AIFM1: variants seen among roughly 807,000 people sequenced by gnomAD.
AIFM1 encodes the protein apoptosis-inducing factor 1, mitochondrial.
AIFM1 carries 3 observed loss-of-function variants against 51.7 expected under a neutral mutation model. The ratio of observed to expected loss-of-function variants is 0.06; its 90% CI spans 0.03 to 0.15. AIFM1 has a LOEUF of 0.15. AIFM1 is among the 10% of genes least tolerant of loss of function. AIFM1 has a pLI of 1.00. For synonymous variants in AIFM1, 178 were observed against 179.4 expected (o/e 0.99, Z 0.06); for missense variants, 330 against 476.8 (o/e 0.69, Z 2.87).
intron 2 of AIFM1, 42 bp downstream of exon 2, chrX:130,156,419 G>A: frequency 1.7e-6 from 2 of 1,206,658 alleles, no homozygotes; most frequent in Non-Finnish European, 2.2e-6. Context: ...ATTAATGGGA[G>A]CTGTTTGGCA....
chrX:130,134,677 G>A (rs918133798), intron 12 of AIFM1, among the ~76,000 whole-genome samples: 1 of 110,015 alleles, frequency 9.1e-6, no homozygotes, highest in African/African-American at 3.3e-5. Flanking sequence ...AGCAGAGGGC[G>A]AGAACCTCCA....
intron 1 of AIFM1, among the ~76,000 whole-genome samples, chrX:130,163,563 C>T (rs2031424221): frequency 9.0e-6 from 1 of 111,342 alleles, no homozygotes; most frequent in African/African-American, 3.3e-5. Context: ...TGGTGCACGG[C>T]CAAAGGACAA....
rs1281362624 is a variant in AIFM1 at position 130,165,635 on chromosome X, C to T, written c.22G>A (p.Ala8Thr). 5 of 1,199,726 alleles carry T rather than the reference C, an allele frequency of 4.2e-6. No homozygotes were observed. The African/African-American group carries it at 8.7e-5, about 21-fold the overall frequency. ...AGCTTCTGCTTCAAAGCACCCGCCGCCAGGCCTCCACACCGGAACATTTCG... is the reference window on the plus strand; with the variant it reads ...AGCTTCTGCTTCAAAGCACCCGCCGTCAGGCCTCCACACCGGAACATTTCG... MFRCGGL[A>T]AGALKQKLVP... The change falls in exon 1 of 16, where the codon GCG (alanine) becomes ACG (threonine). Residue 8 changes from alanine to threonine, a missense_variant. Transcript: ENST00000287295.
chrX:130,145,856 G>A (rs181628094), intron 5 of AIFM1, among the ~76,000 whole-genome samples: 7 of 111,594 alleles, frequency 6.3e-5, no homozygotes, highest in Non-Finnish European at 3.8e-5. Context: ...AGTGGGTAAT[G>A]GCCAGGGATG....
At chrX:130,158,704 T>TAAAAAAAAAA (rs56253125) in intron 1 of AIFM1, among the ~76,000 whole-genome samples, 1 of 44,078 alleles carries the variant, frequency 2.3e-5, no homozygotes, top group African/African-American at 8.9e-5. Context: ...GCTGATGAGC[T>TAAAAAAAAAA]AAAAAAAAAA....
rs1308417889 is a variant in AIFM1, at chrX:130,130,071, C to A, written c.1669G>T (p.Gly557Trp). The change falls in exon 15 of 16, where the codon GGG (glycine) becomes TGG (tryptophan). Residue 557 changes from glycine to tryptophan, a missense_variant. By Grantham distance (184) the Gly-to-Trp change is radical. Transcript: ENST00000287295. ...TPAVPQAPVQ[G>W]EDYGKGVIFY... ...ATGACACCTTTGCCGTAGTCCTCCC[C>A]CTGGACGGGAGCCTGTGGAACTGCC... The A allele has an allele frequency of 8.3e-7, 1 of 1,211,824 alleles. No individual in the cohort carries two copies. Among genetic ancestry groups the A allele is most frequent in the Non-Finnish European group, 1.1e-6 (1 of 895,519 alleles).
At chrX:130,163,279 T>C (rs767010933) in intron 1 of AIFM1, among the ~76,000 whole-genome samples, 1 of 95,627 alleles carries the variant, frequency 1.0e-5, no homozygotes, top group East Asian at 3.2e-4. Flanking sequence ...CACTGCACTC[T>C]GGGAAACTGA....
At chrX:130,158,421 C>G (rs1267121976) in intron 1 of AIFM1, among the ~76,000 whole-genome samples, 1 of 111,390 alleles carries the variant, frequency 9.0e-6, no homozygotes, top group Non-Finnish European at 1.9e-5. Flanking sequence ...GAGAGTGTAT[C>G]CCAATGCCCT....
At chrX:130,136,577 TA>T in intron 11 of AIFM1, 65 bp downstream of exon 11, 1 of 993,255 alleles carries the variant, frequency 1.0e-6, no homozygotes, top group Non-Finnish European at 1.4e-6. Context: ...AATGAAGGAG[TA>T]AAAATGAGGC....
At chrX:130,161,900 C>G (rs2031365894) in intron 1 of AIFM1, among the ~76,000 whole-genome samples, 1 of 112,031 alleles carries the variant, frequency 8.9e-6, no homozygotes, top group Non-Finnish European at 1.9e-5. Context: ...AGCCACCACG[C>G]CTAGCTATCA....
At chrX:130,133,492 A>G (rs1426646029) in intron 12 of AIFM1, 37 bp from the exon 13 acceptor site, 1 of 1,192,870 alleles carries the variant, frequency 8.4e-7, no homozygotes, top group Admixed American at 2.2e-5. Context: ...CACATGATAA[A>G]AAAAAAAAAA....
chrX:130,137,189 G>A lies in AIFM1; in HGVS notation c.968-4C>T. 8.3e-7 allele frequency: 1 copy of A among 1,210,945 alleles called. No homozygotes were observed. The highest frequency in any genetic ancestry group is 1.1e-6 in the Non-Finnish European group (1 of 895,424). On this transcript the variant is annotated splice_region_variant and splice_polypyrimidine_tract_variant and intron_variant, in intron 9 of 15. Transcript: ENST00000287295. ...ACTTCTGTGCCCAAGGCTCGAGCTG[G>A]GAAGAAGAAACAGAGTAGTTACAGC...
chrX:130,147,638 A>C lies in AIFM1; in HGVS notation c.475-15T>G, dbSNP rs780693233. ...ACAATCAGTACCTTCAGACATAAAA[A>C]TCATGACGCTTATCAGAGCCAAGTC... is the stretch of plus-strand genomic sequence containing the variant. On this transcript the variant is annotated splice_polypyrimidine_tract_variant and intron_variant, in intron 4 of 15. Coordinates refer to ENST00000287295, the MANE Select transcript of AIFM1 (RefSeq NM_004208.4). The C allele has an allele frequency of 4.1e-6, 5 of 1,210,531 alleles. No homozygotes were observed. The East Asian group carries it at 1.5e-4, about 36-fold the overall frequency.
intron 2 of AIFM1, among the ~76,000 whole-genome samples, chrX:130,152,969 T>C (rs1180510723): frequency 9.0e-6 from 1 of 110,825 alleles, no homozygotes; most frequent in Non-Finnish European, 1.9e-5. Flanking sequence ...TTTTTATGTA[T>C]TTGTAGTCAT....
chrX:130,153,242 C>G (rs930176232), intron 2 of AIFM1, among the ~76,000 whole-genome samples: 5 of 104,264 alleles, frequency 4.8e-5, no homozygotes, highest in Non-Finnish European at 9.8e-5. Context: ...CCCAGCTACT[C>G]CTCGGGAGGC....
intron 1 of AIFM1, among the ~76,000 whole-genome samples, chrX:130,163,421 G>GA (rs1224307201): frequency 9.0e-6 from 1 of 110,985 alleles, no homozygotes; most frequent in Non-Finnish European, 1.9e-5. Context: ...ACATGAAAAA[G>GA]AAATCAGATT....
chrX:130,153,604 G>C (rs775475618), intron 2 of AIFM1, among the ~76,000 whole-genome samples: 6 of 111,274 alleles, frequency 5.4e-5, no homozygotes, highest in Admixed American at 1.9e-4. Flanking sequence ...GCATTGGGGA[G>C]GTGATAATGA....
chrX:130,133,526 C>T (rs1306765391), intron 12 of AIFM1, 71 bp from the exon 13 acceptor site: 1 of 1,142,755 alleles, frequency 8.8e-7, no homozygotes, highest in Admixed American at 2.3e-5. Context: ...AAAATATAAA[C>T]TTTGGGGGCT....
chrX:130,155,273 A>G (rs1201622793), intron 2 of AIFM1: 3 of 1,208,954 alleles, frequency 2.5e-6, no homozygotes, highest in African/African-American at 3.5e-5. Flanking sequence ...ATCCTAGGTG[A>G]TGAGACTGCA....
Sources: allele counts gnomAD v4.1 joint callset (sites outside exome capture counted in the v4.1 genomes callset), GRCh38; gene constraint gnomAD v4.1.1; transcripts MANE v1.5; gene names NCBI Gene and HGNC (gene_info 2026-07-23, HGNC 2026-07-21).